PXK: variants seen among roughly 807,000 people sequenced by gnomAD.
PXK encodes PX domain containing serine/threonine kinase like.
PXK carries 35 observed loss-of-function variants against 84.7 expected under a neutral mutation model. That is an observed-to-expected ratio of 0.41 (90% CI 0.32 to 0.55). PXK has a LOEUF of 0.55. PXK is among the 20% of genes least tolerant of loss of function. The probability of loss-of-function intolerance (pLI) is 0.21; values close to 1 mark genes in which losing one functional copy is unlikely to be tolerated. For synonymous variants in PXK, 253 were observed against 260.8 expected (o/e 0.97, Z 0.29); for missense variants, 634 against 699.7 (o/e 0.91, Z 1.06).
intron 17 of PXK, chr3:58,422,886 C>T: frequency 2.0e-6 from 2 of 985,464 alleles, no homozygotes; most frequent in Non-Finnish European, 2.4e-6. Context: ...CACAGTGATT[C>T]TTCTGCCGGG....
chr3:58,350,612 G>A (rs1334999104), intron 1 of PXK, among the ~76,000 whole-genome samples: 1 of 152,154 alleles, frequency 6.6e-6, no homozygotes, highest in African/African-American at 2.4e-5. Context: ...CATACTAGTG[G>A]TGCGCCCTTG....
rs752411806 is a variant in PXK, at chr3:58,386,290, CTTTTTTT to C, written c.388+3607_388+3613del. 1.3e-3 allele frequency among the ~76,000 whole-genome samples: 103 copies of C among 82,264 alleles called. 1 individual carries two copies. The highest frequency in any genetic ancestry group is 4.9e-3 in the African/African-American group (101 of 20,524). The allele number at this position is 82,264 out of a possible 152,430, so 54.0% of individuals were successfully genotyped here. On this transcript the variant is annotated intron_variant, in intron 4 of 17. Coordinates refer to ENST00000356151, the MANE Select transcript of PXK (RefSeq NM_017771.5). ...CTATCTCACACATATATCCCCCTTA[CTTTTTTT>C]TTTTTTTTTTTTTTTTGAGACAGAA... is the stretch of plus-strand genomic sequence containing the variant.
At chr3:58,387,591 C>T (rs953951762) in intron 4 of PXK, among the ~76,000 whole-genome samples, 2 of 152,060 alleles carry the variant, frequency 1.3e-5, no homozygotes, top group South Asian at 2.1e-4. Context: ...CATTCCTACA[C>T]GGAGATCTGA....
At chr3:58,410,932 A>T (rs1286250480) in intron 16 of PXK, among the ~76,000 whole-genome samples, 1 of 152,174 alleles carries the variant, frequency 6.6e-6, no homozygotes, top group Non-Finnish European at 1.5e-5. Flanking sequence ...GAGAGGGGGA[A>T]TTTGAAGATG....
Position 58,333,683 on chromosome 3 carries a change from A to G in PXK, c.102+593A>G. ...GGGGGCGGCAGTCGGGGCGCTGTTA[A>G]GCAGGTGTATGAATGTGCTTCTCTA... On this transcript the variant is annotated intron_variant, in intron 1 of 17. Coordinates refer to ENST00000356151, the MANE Select transcript of PXK (RefSeq NM_017771.5). The surrounding 1 kb of genome is among the most constrained non-coding windows in gnomAD (Gnocchi z 5.4). 2.2e-6 allele frequency: 1 copy of G among 456,264 alleles called. No individual in the cohort carries two copies. The highest frequency in any genetic ancestry group is 1.6e-5 in the South Asian group (1 of 64,506). The allele number at this position is 456,264 out of a possible 1,614,324, so 28.3% of individuals were successfully genotyped here.
In PXK at chr3:58,333,159, T is replaced by C; in HGVS notation, c.102+69T>C. ...GGCCGCGAGGGGGCTGCGGGCTGCCTGGCGCGGGCCGGGCAGGGTCGTCGG... is the reference window on the plus strand; with the variant it reads ...GGCCGCGAGGGGGCTGCGGGCTGCCCGGCGCGGGCCGGGCAGGGTCGTCGG... On this transcript the variant is annotated intron_variant, in intron 1 of 17. Transcript: ENST00000356151. This position sits in a 1 kb window ranked among gnomAD's most constrained non-coding sequence, Gnocchi z 5.4. 4 of 914,806 alleles carry C rather than the reference T, an allele frequency of 4.4e-6. No individual in the cohort carries two copies. The highest frequency in any genetic ancestry group is 5.3e-6 in the Non-Finnish European group (4 of 757,570). 56.7% of individuals were successfully genotyped at this position (914,806 alleles called of 1,614,324 possible).
chr3:58,386,289 A>ATTTTT (rs2098549912), intron 4 of PXK, among the ~76,000 whole-genome samples: 1 of 43,466 alleles, frequency 2.3e-5, no homozygotes, highest in Non-Finnish European at 5.2e-5. Flanking sequence ...TATCCCCCTT[A>ATTTTT]CTTTTTTTTT....
In PXK at chr3:58,400,593, G is replaced by A. The variant is rs752975812; in HGVS notation, c.1181+1216G>A. 6.6e-6 allele frequency among the ~76,000 whole-genome samples: 1 copy of A among 152,128 alleles called. No homozygotes were observed. The highest frequency in any genetic ancestry group is 2.4e-5 in the African/African-American group (1 of 41,408). ...TTCCACAGACACTGAAGCGTCTGTC[G>A]CCAAACCAGCAACCATTAATAATAA... On this transcript the variant is annotated intron_variant, in intron 12 of 17. Coordinates refer to ENST00000356151, the MANE Select transcript of PXK (RefSeq NM_017771.5). This position sits in a 1 kb window ranked among gnomAD's most constrained non-coding sequence, Gnocchi z 4.0.
In PXK at chr3:58,397,488, C is replaced by A; in HGVS notation, c.985-117C>A. Reference sequence around the variant, plus strand: ...GGCTTTGGAGTTGCATTTACGTTACCAATTAGGAACGGGGCTATCCCTGGG... The same window carrying A: ...GGCTTTGGAGTTGCATTTACGTTACAAATTAGGAACGGGGCTATCCCTGGG... On this transcript the variant is annotated intron_variant, in intron 10 of 17. Transcript: ENST00000356151. This position sits in a 1 kb window ranked among gnomAD's most constrained non-coding sequence, Gnocchi z 4.7. 1 of 923,798 alleles carries A rather than the reference C, an allele frequency of 1.1e-6. No individual in the cohort carries two copies. Among genetic ancestry groups the A allele is most frequent in the Non-Finnish European group, 1.7e-6 (1 of 572,594 alleles). 57.2% of individuals were successfully genotyped at this position (923,798 alleles called of 1,614,324 possible).
At position 58,398,284 on chromosome 3, in the gene PXK, C is replaced by T. The variant is rs947346394; in HGVS notation, c.1102+562C>T. On this transcript the variant is annotated intron_variant, in intron 11 of 17. Coordinates refer to ENST00000356151, the MANE Select transcript of PXK (RefSeq NM_017771.5). The surrounding 1 kb of genome is among the most constrained non-coding windows in gnomAD (Gnocchi z 4.5). The stretch of plus-strand genomic sequence containing the variant: ...GGCGTGGAGGTGCATGCCTGTAATC[C>T]CAGCTTTTTGGGAGGCTGAGGCACG... Among the ~76,000 whole-genome samples, 5 of 152,100 alleles carry T rather than the reference C, an allele frequency of 3.3e-5. No homozygotes were observed. Among genetic ancestry groups the T allele is most frequent in the African/African-American group, 1.2e-4 (5 of 41,418 alleles).
intron 1 of PXK, among the ~76,000 whole-genome samples, chr3:58,338,694 T>C (rs1470472717): frequency 1.3e-5 from 2 of 151,646 alleles, no homozygotes; most frequent in Admixed American, 6.6e-5. Context: ...CTTTTTCTTT[T>C]TTTTTTTTTT....
intron 3 of PXK, among the ~76,000 whole-genome samples, chr3:58,375,369 T>G (rs1288362454): frequency 6.6e-6 from 1 of 152,196 alleles, no homozygotes; most frequent in Non-Finnish European, 1.5e-5. Flanking sequence ...ATGAGCACTG[T>G]AAACATTTCA....
At chr3:58,368,575 G>A (rs776053538) in intron 2 of PXK, among the ~76,000 whole-genome samples, 9 of 152,136 alleles carry the variant, frequency 5.9e-5, no homozygotes, top group Admixed American at 2.0e-4. Flanking sequence ...ACCCGCCTTA[G>A]CCTCCCAAAG....
rs751354600 is a variant in PXK, at chr3:58,391,235, T to TG, written c.540+16dup. The TG allele has an allele frequency of 8.7e-6, 14 of 1,604,792 alleles. No homozygotes were observed. The South Asian group carries it at 1.5e-4, about 18-fold the overall frequency. ...TGTTAAGCTGGGTAAGCTAGCTTTT[T>TG]GCTTTGGTCTCCTTCAGTGACTTTA... On this transcript the variant is annotated intron_variant, in intron 6 of 17. Coordinates refer to ENST00000356151, the MANE Select transcript of PXK (RefSeq NM_017771.5).
Position 58,391,682 on chromosome 3 carries a change from A to G in PXK, c.541-91A>G, listed in dbSNP as rs1409598255. 5.9e-6 allele frequency: 7 copies of G among 1,181,450 alleles called. No homozygotes were observed. The Admixed American group carries it at 8.9e-5, about 15-fold the overall frequency. 73.2% of individuals were successfully genotyped at this position (1,181,450 alleles called of 1,614,324 possible). ...TTGTTTTCGTCTTTGGTTTCCAGTC[A>G]TATTTTGGATAATAAAATTAAAGGG... is the stretch of plus-strand genomic sequence containing the variant. On this transcript the variant is annotated intron_variant, in intron 6 of 17. Coordinates refer to ENST00000356151, the MANE Select transcript of PXK (RefSeq NM_017771.5).
In PXK at chr3:58,397,524, C is replaced by G; in HGVS notation, c.985-81C>G. On this transcript the variant is annotated intron_variant, in intron 10 of 17. Coordinates refer to ENST00000356151, the MANE Select transcript of PXK (RefSeq NM_017771.5). The surrounding 1 kb of genome is among the most constrained non-coding windows in gnomAD (Gnocchi z 4.7). The stretch of plus-strand genomic sequence containing the variant: ...GGGGCTATCCCTGGGCTTTGTTTCT[C>G]AGAGAAGCCTTGGGGCAGGAGCGCG... The G allele has an allele frequency of 2.5e-6, 3 of 1,208,068 alleles. No homozygotes were observed. The highest frequency in any genetic ancestry group is 3.7e-6 in the Non-Finnish European group (3 of 815,056). 74.8% of individuals were successfully genotyped at this position (1,208,068 alleles called of 1,614,324 possible).
intron 1 of PXK, among the ~76,000 whole-genome samples, chr3:58,353,953 G>A (rs74955499): frequency 6.0e-4 from 92 of 152,306 alleles, no homozygotes; most frequent in African/African-American, 2.0e-3. Flanking sequence ...GAGAAGTAGC[G>A]TGGTGGTAGA....
chr3:58,387,951 G>A (rs936706103), intron 4 of PXK, among the ~76,000 whole-genome samples: 7 of 152,192 alleles, frequency 4.6e-5, no homozygotes, highest in African/African-American at 1.4e-4. Flanking sequence ...CCCACACACT[G>A]TGGGAGATAA....
intron 1 of PXK, among the ~76,000 whole-genome samples, chr3:58,339,594 G>A (rs2097691955): frequency 1.3e-5 from 2 of 152,054 alleles, no homozygotes; most frequent in African/African-American, 2.4e-5. Context: ...TATATCATCT[G>A]TTTTGAGGAC....
Sources: gnomAD v4.1 joint callset for allele counts (sites outside exome capture counted in the v4.1 genomes callset) on GRCh38, gnomAD v4.1.1 for gene constraint, Gnocchi (gnomAD v3.1) non-coding constraint, MANE v1.5 for transcripts, NCBI Gene and HGNC (gene_info 2026-07-23, HGNC 2026-07-21) for gene names.